Variants in ZWILCH observed in about 807,000 individuals in gnomAD.
ZWILCH encodes the protein protein zwilch homolog.
ZWILCH carries 74 observed loss-of-function variants against 79.9 expected under a neutral mutation model. That is an observed-to-expected ratio of 0.93 (90% confidence interval 0.77 to 1.12). The LOEUF (loss-of-function observed/expected upper bound fraction) is 1.12, where lower values mean the gene tolerates loss of function less well. Ranked by LOEUF, ZWILCH falls within the 50% of genes most tolerant of loss-of-function variation. ZWILCH has a pLI of 0.00. For missense variants in ZWILCH, 694 were observed against 687.5 expected (o/e 1.01, Z -0.11); for synonymous variants, 241 against 228.2 (o/e 1.06, Z -0.51).
chr15:66,537,512 G>A (rs1283512445), intron 16 of ZWILCH, among the ~76,000 whole-genome samples: 1 of 151,974 alleles, frequency 6.6e-6, no homozygotes, highest in Non-Finnish European at 1.5e-5. Flanking sequence ...CCAAAATGGT[G>A]AAACCCCATC....
In ZWILCH at chr15:66,548,370, G is replaced by C. The variant is rs1220008959; in HGVS notation, c.*46G>C. The stretch of plus-strand genomic sequence containing the variant: ...TCCCAGCACAAGCCAAAAAGAGAAA[G>C]AGAAAAAAAGGTAATTATTGTAGAA... On this transcript the variant is annotated 3_prime_UTR_variant, in exon 19 of 19. Coordinates refer to ENST00000307897, the MANE Select transcript of ZWILCH (RefSeq NM_017975.5). The C allele has an allele frequency of 8.1e-6, 4 of 491,660 alleles. No individual in the cohort carries two copies. The highest frequency in any genetic ancestry group is 3.9e-5 in the African/African-American group (2 of 51,734). 30.5% of individuals were successfully genotyped at this position (491,660 alleles called of 1,614,324 possible). A position where few individuals can be genotyped will look rare whatever the true frequency, so the allele number is the denominator to read the frequency against.
chr15:66,527,947 A>G (rs1894733061), intron 10 of ZWILCH, 35 bp downstream of exon 10: 1 of 1,538,970 alleles, frequency 6.5e-7, no homozygotes, highest in Admixed American at 2.2e-5. Context: ...ATATACACAG[A>G]AATAGCTTTT....
chr15:66,525,842 G>GCCT (rs1894653992), intron 8 of ZWILCH, among the ~76,000 whole-genome samples: 1 of 136,186 alleles, frequency 7.3e-6, no homozygotes, highest in South Asian at 2.3e-4. Context: ...GCTCACTACA[G>GCCT]CCTCCTCCTC....
Position 66,540,164 on chromosome 15 carries a change from A to G in ZWILCH, c.1641A>G (p.Gln547=), listed in dbSNP as rs377555465. ...SGQKKIKTVW[Q]LSDSSPIDHL... Reference sequence around the variant, plus strand: ...AAAAGAAGATTAAGACAGTTTGGCAACTGAGTGACAGCTCACCCATAGACC... The same window carrying G: ...AAAAGAAGATTAAGACAGTTTGGCAGCTGAGTGACAGCTCACCCATAGACC... The change falls in exon 17 of 19, where the codon CAA becomes CAG. Residue 547 remains glutamine (Q), a synonymous_variant. Transcript: ENST00000307897. 2.5e-5 allele frequency: 41 copies of G among 1,613,684 alleles called. No individual in the cohort carries two copies. Among genetic ancestry groups the G allele is most frequent in the Admixed American group, 3.3e-5 (2 of 59,938 alleles).
At chr15:66,528,604 AT>A (rs34913640) in intron 10 of ZWILCH, among the ~76,000 whole-genome samples, 58,908 of 150,974 alleles carry the variant, frequency 0.39, 11,568 homozygotes, top group Non-Finnish European at 0.42. Context: ...AGGTAATTTA[AT>A]TTTTTTTTTA....
At chr15:66,547,655 C>G (rs1895427451) in intron 18 of ZWILCH, 2 of 152,068 alleles carry the variant, frequency 1.3e-5, no homozygotes, top group African/African-American at 4.8e-5. Context: ...TGAATTTAGT[C>G]AGAGTTGTCA....
chr15:66,533,075 T>A, intron 14 of ZWILCH, 62 bp downstream of exon 14: 1 of 1,170,774 alleles, frequency 8.5e-7, no homozygotes, highest in South Asian at 1.5e-5. Context: ...TGTGTGCAGT[T>A]ATTAACTGCC....
At chr15:66,506,975 G>A (rs918069450) in intron 1 of ZWILCH, among the ~76,000 whole-genome samples, 1 of 151,582 alleles carries the variant, frequency 6.6e-6, no homozygotes, top group African/African-American at 2.4e-5. Flanking sequence ...TCCTGCCTCA[G>A]CCTCCCGAGT....
At chr15:66,517,455 T>TATATATATATATATATAG (rs1180456312) in intron 4 of ZWILCH, among the ~76,000 whole-genome samples, 1,560 of 114,280 alleles carry the variant, frequency 0.014, 40 homozygotes, top group Non-Finnish European at 0.018. Flanking sequence ...TATATATATA[T>TATATATATATATATATAG]AGTAATGTAC....
intron 16 of ZWILCH, among the ~76,000 whole-genome samples, chr15:66,538,706 G>A (rs1166557806): frequency 1.3e-5 from 2 of 152,168 alleles, no homozygotes; most frequent in Non-Finnish European, 2.9e-5. Flanking sequence ...GTATAAGGCT[G>A]TTTGGCATTT....
chr15:66,518,247 A>AT (rs2140758959), intron 4 of ZWILCH, among the ~76,000 whole-genome samples: 1 of 146,918 alleles, frequency 6.8e-6, no homozygotes, highest in African/African-American at 2.5e-5. Context: ...ACATGTTGCT[A>AT]TTTAAGTTTT....
intron 17 of ZWILCH, among the ~76,000 whole-genome samples, chr15:66,546,158 T>G: frequency 6.6e-6 from 1 of 152,224 alleles, no homozygotes; most frequent in African/African-American, 2.4e-5. Context: ...ATCAAAATGT[T>G]GATTGGACCA....
intron 14 of ZWILCH, among the ~76,000 whole-genome samples, chr15:66,535,434 G>A (rs1478287837): frequency 6.6e-6 from 1 of 152,098 alleles, no homozygotes; most frequent in Non-Finnish European, 1.5e-5. Context: ...CCAGCACTTG[G>A]GGAGGCTGAG....
At position 66,514,008 on chromosome 15, in the gene ZWILCH, G is replaced by T; in HGVS notation, c.126G>T (p.Leu42Phe). 1.2e-6 allele frequency: 2 copies of T among 1,611,990 alleles called. No individual in the cohort carries two copies. The highest frequency in any genetic ancestry group is 2.2e-5 in the South Asian group (2 of 90,688). The change falls in exon 3 of 19, where the codon TTG becomes TTT. Residue 42 changes from leucine to phenylalanine, a missense_variant. Physicochemically the swap from Leu to Phe is conservative, Grantham distance 22. Transcript: ENST00000307897. ...FLYEADVQVQ[L>F]ISKGQPNPLK... is the part of the protein sequence containing the mutation. Reference sequence around the variant, plus strand: ...AACAGGCTGATGTCCAAGTGCAGTTGATCAGCAAAGGCCAACCAAACCCTT... The same window carrying T: ...AACAGGCTGATGTCCAAGTGCAGTTTATCAGCAAAGGCCAACCAAACCCTT...
chr15:66,521,025 G>T, intron 6 of ZWILCH, 25 bp from the exon 7 acceptor site: 7 of 1,609,558 alleles, frequency 4.3e-6, no homozygotes, highest in Non-Finnish European at 5.9e-6. Flanking sequence ...ACAGCTAAAT[G>T]ATCTGCTGGG....
chr15:66,539,928 T>C (rs1283177419), intron 16 of ZWILCH, among the ~76,000 whole-genome samples, 170 bp from the exon 17 acceptor site: 1 of 152,198 alleles, frequency 6.6e-6, no homozygotes, highest in Non-Finnish European at 1.5e-5. Flanking sequence ...ATTTTTATTC[T>C]TATTTTTCTT....
intron 7 of ZWILCH, 130 bp downstream of exon 7, chr15:66,521,335 C>T: frequency 2.9e-6 from 3 of 1,034,346 alleles, no homozygotes; most frequent in Non-Finnish European, 4.2e-6. Flanking sequence ...CTCTGAAAGG[C>T]CCACCTTGCC....
At position 66,515,538 on chromosome 15, in the gene ZWILCH, GA is replaced by G; in HGVS notation, c.216del (p.Glu73LysfsTer37). 6.2e-7 allele frequency: 1 copy of G among 1,604,074 alleles called. No homozygotes were observed. Among genetic ancestry groups the G allele is most frequent in the Non-Finnish European group, 8.5e-7 (1 of 1,174,958 alleles). ...FIVEKVPLEK[E>X]ETSHIEELQS... ...AACATTTTTAAAGCCTTTAGAAAAG[GA>G]AGAAACAAGTCATATTGAAGAACTT... is the stretch of plus-strand genomic sequence containing the variant. On this transcript the variant is annotated frameshift_variant, in exon 4 of 19. Coordinates refer to ENST00000307897, the MANE Select transcript of ZWILCH (RefSeq NM_017975.5). LOFTEE classifies it high-confidence loss of function.
rs1438793908 is a variant in ZWILCH, at chr15:66,515,516, A to AT, written c.202-5dup. 1 of 1,553,584 alleles carries AT rather than the reference A, an allele frequency of 6.4e-7. No homozygotes were observed. The highest frequency in any genetic ancestry group is 1.8e-5 in the Admixed American group (1 of 56,044). On this transcript the variant is annotated splice_polypyrimidine_tract_variant and intron_variant, in intron 3 of 18. Coordinates refer to ENST00000307897, the MANE Select transcript of ZWILCH (RefSeq NM_017975.5). ...TTTGTCTGGTTAAATAATTAAGAACATTTTTAAAGCCTTTAGAAAAGGAAG... is the reference window on the plus strand; with the variant it reads ...TTTGTCTGGTTAAATAATTAAGAACATTTTTTAAAGCCTTTAGAAAAGGAAG...
Sources: allele counts gnomAD v4.1 joint callset (sites outside exome capture counted in the v4.1 genomes callset), GRCh38; gene constraint gnomAD v4.1.1; transcripts MANE v1.5; gene names NCBI Gene and HGNC (gene_info 2026-07-23, HGNC 2026-07-21).